The following LRRC4C variants were observed in gnomAD, a reference collection of about 807,000 sequenced individuals.
LRRC4C encodes the protein leucine-rich repeat-containing protein 4C.
A neutral mutation model predicts 33.6 loss-of-function variants in LRRC4C; 5 were observed. The ratio of observed to expected loss-of-function variants is 0.15; its 90% CI spans 0.08 to 0.31. The LOEUF is 0.31. Among genes scored for constraint, LRRC4C ranks in the 10% least tolerant of loss-of-function variants. LRRC4C has a pLI of 1.00. For missense variants in LRRC4C, 560 were observed against 796.7 expected (o/e 0.70, Z 3.58); for synonymous variants, 329 against 302.0 (o/e 1.09, Z -0.93).
chr11:40,202,551 G>A (rs1219816914), intron 5 of LRRC4C, among the ~76,000 whole-genome samples: 2 of 152,136 alleles, frequency 1.3e-5, no homozygotes, highest in African/African-American at 4.8e-5. Context: ...GCTAGACTAA[G>A]CTTAGAGGTC....
chr11:40,959,769 A>C (rs932474332), intron 1 of LRRC4C, among the ~76,000 whole-genome samples: 15 of 151,708 alleles, frequency 9.9e-5, no homozygotes, highest in African/African-American at 3.4e-4. Context: ...AAATGCTGAG[A>C]AGGTTTAAGC....
intron 1 of LRRC4C, among the ~76,000 whole-genome samples, chr11:41,263,913 T>G (rs1010590117): frequency 1.1e-4 from 16 of 152,068 alleles, no homozygotes; most frequent in Admixed American, 9.2e-4. Flanking sequence ...TGGGGGAAGA[T>G]AGCATGTGCG....
At chr11:40,565,889 A>T (rs2135534108) in intron 3 of LRRC4C, among the ~76,000 whole-genome samples, 1 of 152,182 alleles carries the variant, frequency 6.6e-6, no homozygotes, top group Non-Finnish European at 1.5e-5. Context: ...ATAATTCAGA[A>T]TCTATAATTT....
intron 5 of LRRC4C, among the ~76,000 whole-genome samples, chr11:40,160,178 ATTT>A (rs373534855): frequency 6.8e-6 from 1 of 146,410 alleles, no homozygotes. Flanking sequence ...AGTTGCGAAG[ATTT>A]TTTTTTTTTT....
intron 5 of LRRC4C, among the ~76,000 whole-genome samples, chr11:40,173,887 T>C (rs1459290363): frequency 3.3e-5 from 5 of 152,168 alleles, no homozygotes; most frequent in Admixed American, 2.6e-4. Flanking sequence ...GTAAACTGTG[T>C]TACCTCTAAG....
At chr11:41,124,487 C>T (rs1942639779) in intron 1 of LRRC4C, among the ~76,000 whole-genome samples, 1 of 152,148 alleles carries the variant, frequency 6.6e-6, no homozygotes, top group African/African-American at 2.4e-5. Context: ...TGGCAATTCA[C>T]TATAAACTTA....
intron 4 of LRRC4C, among the ~76,000 whole-genome samples, chr11:40,283,989 C>A (rs1943665975): frequency 6.6e-6 from 1 of 152,062 alleles, no homozygotes; most frequent in South Asian, 2.1e-4. Flanking sequence ...AGGTGTGAGC[C>A]ACCACACCCA....
chr11:40,347,887 C>T (rs144907676), intron 3 of LRRC4C, among the ~76,000 whole-genome samples: 2,453 of 152,248 alleles, frequency 0.016, 51 homozygotes, highest in African/African-American at 0.05. Flanking sequence ...GTATTACAGG[C>T]GTGAGCCACT....
At chr11:40,780,066 C>T (rs913829334) in intron 2 of LRRC4C, among the ~76,000 whole-genome samples, 9 of 152,012 alleles carry the variant, frequency 5.9e-5, no homozygotes, top group Non-Finnish European at 5.9e-5. Context: ...AAATAGTGTC[C>T]GTTTCCTAAG....
In LRRC4C at chr11:40,159,785, T is replaced by C. The variant is rs192485327; in HGVS notation, c.-95-18932A>G. On this transcript the variant is annotated intron_variant, in intron 5 of 6. Transcript: ENST00000528697. ...CACTTTTACCTCCTTTCCCTGAAAT[T>C]ACATTATATGTTTATTTGTTTCCTT... Among the ~76,000 whole-genome samples, 37 of 152,332 alleles carry C rather than the reference T, an allele frequency of 2.4e-4. No individual in the cohort carries two copies. In the South Asian group the frequency reaches 3.7e-3, roughly 15 times the overall value.
intron 3 of LRRC4C, among the ~76,000 whole-genome samples, chr11:40,482,628 C>T (rs1286993181): frequency 1.3e-5 from 2 of 151,974 alleles, no homozygotes; most frequent in African/African-American, 4.8e-5. Flanking sequence ...CATCCCCATG[C>T]CCAGCTAATT....
At chr11:41,301,624 T>C (rs1304805364) in intron 1 of LRRC4C, among the ~76,000 whole-genome samples, 3 of 152,176 alleles carry the variant, frequency 2.0e-5, no homozygotes, top group Non-Finnish European at 4.4e-5. Context: ...TCTGGAACCA[T>C]AGACTAGTGA....
At chr11:40,637,044 A>C (rs1214265020) in intron 3 of LRRC4C, among the ~76,000 whole-genome samples, 1 of 152,224 alleles carries the variant, frequency 6.6e-6, no homozygotes, top group Non-Finnish European at 1.5e-5. Flanking sequence ...CCCCCAGAGC[A>C]GCAAGGCTTA....
chr11:40,797,546 A>G lies in LRRC4C; in HGVS notation c.-407+136089T>C, dbSNP rs142354321. Among the ~76,000 whole-genome samples, 21 of 152,316 alleles carry G rather than the reference A, an allele frequency of 1.4e-4. No individual in the cohort carries two copies. In the East Asian group the frequency reaches 4.1e-3, roughly 29 times the overall value. On this transcript the variant is annotated intron_variant, in intron 2 of 6. Coordinates refer to ENST00000528697, the MANE Select transcript of LRRC4C (RefSeq NM_001258419.2). ...AAGAACAAAAAGAGAGTATTTTATT[A>G]TATAGACTACAGTGATAACTTTTAT...
intron 3 of LRRC4C, among the ~76,000 whole-genome samples, chr11:40,459,267 C>T (rs1952277079): frequency 1.3e-5 from 2 of 152,158 alleles, no homozygotes; most frequent in South Asian, 4.1e-4. Flanking sequence ...ACTCCAATTA[C>T]ATCCAATTTG....
intron 3 of LRRC4C, among the ~76,000 whole-genome samples, chr11:40,402,675 C>T (rs918289996): frequency 3.9e-5 from 6 of 152,004 alleles, no homozygotes; most frequent in African/African-American, 1.4e-4. Flanking sequence ...AAGACCATTC[C>T]AATAAGTCAG....
intron 1 of LRRC4C, among the ~76,000 whole-genome samples, chr11:41,050,765 T>C (rs1858148986): frequency 6.6e-6 from 1 of 152,182 alleles, no homozygotes; most frequent in African/African-American, 2.4e-5. Context: ...TGTGCATGTG[T>C]CTTTGGGTAT....
chr11:41,408,754 A>AAAAAAAAAC, intron 1 of LRRC4C, among the ~76,000 whole-genome samples: 1 of 149,338 alleles, frequency 6.7e-6, no homozygotes, highest in African/African-American at 2.6e-5. Context: ...TTGTAAAAAA[A>AAAAAAAAAC]AAAAAAAAAA....
intron 4 of LRRC4C, among the ~76,000 whole-genome samples, chr11:40,284,681 G>A (rs184052717): frequency 1.6e-4 from 25 of 152,268 alleles, no homozygotes; most frequent in Admixed American, 1.0e-3. Flanking sequence ...TTAAGATAGT[G>A]AGTAGATTGG....
Sources: allele counts gnomAD v4.1 joint callset (sites outside exome capture counted in the v4.1 genomes callset), GRCh38; gene constraint gnomAD v4.1.1; transcripts MANE v1.5; gene names NCBI Gene and HGNC (gene_info 2026-07-23, HGNC 2026-07-21).